Variants in GSTA3 observed in about 807,000 individuals in gnomAD.
The protein encoded by GSTA3 is glutathione S-transferase alpha 3.
Under a neutral mutation model 23.1 loss-of-function variants are expected in GSTA3, and 16 were observed. The observed-to-expected ratio is 0.69, with a 90% CI of 0.47 to 1.05. GSTA3 has a LOEUF of 1.05. Among genes scored for constraint, GSTA3 ranks in the 50% least tolerant of loss-of-function variants. The pLI, the probability that GSTA3 is intolerant of heterozygous loss-of-function variation, is 0.00. For synonymous variants in GSTA3, 122 were observed against 91.0 expected, an observed-to-expected ratio of 1.34 and a Z score of -1.94; for missense variants, 319 against 263.6, an observed-to-expected ratio of 1.21 and a Z score of -1.46.
At chr6:52,904,088 G>A (rs1561955746) in intron 2 of GSTA3, among the ~76,000 whole-genome samples, 1 of 152,098 alleles carries the variant, frequency 6.6e-6, no homozygotes, top group Non-Finnish European at 1.5e-5. Context: ...CCAGGCCCAA[G>A]TGACCCTCCC....
At chr6:52,907,944 T>C (rs1765948829) in intron 1 of GSTA3, among the ~76,000 whole-genome samples, 1 of 151,610 alleles carries the variant, frequency 6.6e-6, no homozygotes, top group Non-Finnish European at 1.5e-5. Context: ...CTGCACATTG[T>C]GCACATGTAC....
At chr6:52,905,924 A>G (rs1765876575) in intron 1 of GSTA3, 69 bp from the exon 2 acceptor site, 1 of 705,384 alleles carries the variant, frequency 1.4e-6, no homozygotes, top group Admixed American at 2.6e-5. Context: ...GCACGCTAGT[A>G]TATGAATGGT....
chr6:52,907,576 A>T (rs2127364950), intron 1 of GSTA3, among the ~76,000 whole-genome samples: 1 of 151,360 alleles, frequency 6.6e-6, no homozygotes, highest in African/African-American at 2.4e-5. Flanking sequence ...ACCAACCCAA[A>T]TGTCCAACAA....
chr6:52,901,213 C>T (rs889037871), intron 4 of GSTA3, among the ~76,000 whole-genome samples: 1 of 152,170 alleles, frequency 6.6e-6, no homozygotes, highest in Non-Finnish European at 1.5e-5. Flanking sequence ...AATATCATCA[C>T]ACTCTAATTC....
At chr6:52,899,360 G>C (rs1009915644) in intron 5 of GSTA3, among the ~76,000 whole-genome samples, 1 of 152,118 alleles carries the variant, frequency 6.6e-6, no homozygotes, top group Non-Finnish European at 1.5e-5. Flanking sequence ...CTCCTAACCT[G>C]CGCTGTTATA....
chr6:52,903,844 T>C, intron 2 of GSTA3, 117 bp from the exon 3 acceptor site: 3 of 667,910 alleles, frequency 4.5e-6, no homozygotes, highest in Non-Finnish European at 8.0e-6. Context: ...TTTCTGAGTT[T>C]GGCAGGGGAC....
At chr6:52,897,042 C>T (rs1440642395) in intron 6 of GSTA3, 114 bp from the exon 7 acceptor site, 4 of 1,425,676 alleles carry the variant, frequency 2.8e-6, no homozygotes, top group Admixed American at 2.2e-5. Context: ...CCTCCATCAG[C>T]ACCAGCATGG....
chr6:52,900,943 T>C (rs1313819273), intron 4 of GSTA3, among the ~76,000 whole-genome samples: 1 of 152,360 alleles, frequency 6.6e-6, no homozygotes, highest in East Asian at 1.9e-4. Context: ...TCTACAGCCC[T>C]ATCCATGTGC....
intron 3 of GSTA3, 141 bp downstream of exon 3, chr6:52,903,535 T>C (rs1440268642): frequency 4.6e-6 from 2 of 438,654 alleles, no homozygotes; most frequent in Non-Finnish European, 8.2e-6. Context: ...AGGCGGAGCT[T>C]GCAGTAAGCC....
chr6:52,902,494 A>G lies in GSTA3; in HGVS notation c.140-16T>C. 6.3e-7 allele frequency: 1 copy of G among 1,597,790 alleles called. No homozygotes were observed. Among genetic ancestry groups the G allele is most frequent in the Non-Finnish European group, 8.5e-7 (1 of 1,173,814 alleles). On this transcript the variant is annotated splice_polypyrimidine_tract_variant and intron_variant, in intron 3 of 6. Coordinates refer to ENST00000211122, the MANE Select transcript of GSTA3 (RefSeq NM_000847.5). ...AAACTCCCATCTTTAGAAAGAAGGA[A>G]AAAAAAGGAACATGAAATTTCTATG...
chr6:52,900,061 G>A lies in GSTA3; in HGVS notation c.287C>T (p.Thr96Ile). 6.2e-7 allele frequency: 1 copy of A among 1,609,574 alleles called. No homozygotes were observed. The highest frequency in any genetic ancestry group is 8.5e-7 in the Non-Finnish European group (1 of 1,178,606). The change falls in exon 5 of 7, where the codon ACA (threonine) becomes ATA (isoleucine). Residue 96 changes from threonine to isoleucine, a missense_variant. Physicochemically the swap from Thr to Ile is moderately conservative, Grantham distance 89. Transcript: ENST00000211122. ...IKERALIDMY[T>I]EGMADLNEMI... Reference sequence around the variant, plus strand: ...TTCATTCAAATCTGCCATACCTTCTGTATACATATCAATTCTGAAAGACAA... The same window carrying A: ...TTCATTCAAATCTGCCATACCTTCTATATACATATCAATTCTGAAAGACAA...
chr6:52,905,624 G>T, intron 2 of GSTA3, 124 bp downstream of exon 2: 3 of 535,700 alleles, frequency 5.6e-6, no homozygotes, highest in Non-Finnish European at 6.7e-6. Context: ...AAAAATAACT[G>T]GGGATGCTTT....
chr6:52,899,937 T>C lies in GSTA3; in HGVS notation c.411A>G (p.Glu137=). The C allele has an allele frequency of 6.2e-7, 1 of 1,614,068 alleles. No homozygotes were observed. The highest frequency in any genetic ancestry group is 8.5e-7 in the Non-Finnish European group (1 of 1,179,966). ...AATGCTGAACAGCTTCACCTACTTT[T>C]TCGAAGGCAGGGAAATAGCGACTTT... ...KTKSRYFPAF[E]KVLQSHGQDY... The change falls in exon 5 of 7, where the codon GAA becomes GAG. Residue 137 remains glutamate, a synonymous_variant. Transcript: ENST00000211122.
chr6:52,896,830 T>C lies in GSTA3; in HGVS notation c.645A>G (p.Glu215=), dbSNP rs760173301. 3.1e-5 allele frequency: 50 copies of C among 1,614,110 alleles called. No homozygotes were observed. Among genetic ancestry groups the C allele is most frequent in the Non-Finnish European group, 4.2e-5 (50 of 1,179,958 alleles). ...ATTAAAACCTGAAAATCTTTCTGGCTTCTTCTAAAGCTTTTGCATCTGCGG... is the reference window on the plus strand; with the variant it reads ...ATTAAAACCTGAAAATCTTTCTGGCCTCTTCTAAAGCTTTTGCATCTGCGG... ...KPPADAKALE[E]ARKIFRF The change falls in exon 7 of 7, where the codon GAA becomes GAG. Residue 215 remains glutamate, a synonymous_variant. Coordinates refer to ENST00000211122, the MANE Select transcript of GSTA3 (RefSeq NM_000847.5).
At chr6:52,898,807 G>A (rs958539008) in intron 5 of GSTA3, among the ~76,000 whole-genome samples, 1 of 152,174 alleles carries the variant, frequency 6.6e-6, no homozygotes, top group African/African-American at 2.4e-5. Flanking sequence ...CGCACACTTG[G>A]ACAAAGGAGG....
At chr6:52,904,127 T>C (rs1333441645) in intron 2 of GSTA3, among the ~76,000 whole-genome samples, 1 of 152,080 alleles carries the variant, frequency 6.6e-6, no homozygotes, top group Admixed American at 6.5e-5. Flanking sequence ...GCTGGGACTA[T>C]AGGCATGCAC....
In GSTA3 at chr6:52,902,447, C is replaced by T; in HGVS notation, c.171G>A (p.Met57Ile). ...CCAACTTCATCCCATCAATCTCAAC[C>T]ATTGGTACTTGCTGGAACATCAAAC... Reference protein sequence around the residue: ...DGSLMFQQVPMVEIDGMKLVQ... With the variant: ...DGSLMFQQVPIVEIDGMKLVQ... The change falls in exon 4 of 7, where the codon ATG becomes ATA. Residue 57 changes from methionine to isoleucine, a missense_variant. Met to Ile is a conservative substitution (Grantham distance 10, BLOSUM62 1). Transcript: ENST00000211122. The T allele has an allele frequency of 6.2e-7, 1 of 1,613,060 alleles. No homozygotes were observed. The highest frequency in any genetic ancestry group is 8.5e-7 in the Non-Finnish European group (1 of 1,179,708).
chr6:52,906,067 A>G (rs1371693433), intron 1 of GSTA3, among the ~76,000 whole-genome samples: 1 of 152,072 alleles, frequency 6.6e-6, no homozygotes, highest in Non-Finnish European at 1.5e-5. Context: ...CCTGTGTAAG[A>G]CCTTTGTTTT....
At chr6:52,901,217 C>G (rs1344501314) in intron 4 of GSTA3, among the ~76,000 whole-genome samples, 1 of 152,218 alleles carries the variant, frequency 6.6e-6, no homozygotes, top group Non-Finnish European at 1.5e-5. Flanking sequence ...TCATCACACT[C>G]TAATTCTAGA....
Sources: allele counts gnomAD v4.1 joint callset (sites outside exome capture counted in the v4.1 genomes callset), GRCh38; gene constraint gnomAD v4.1.1; transcripts MANE v1.5; gene names NCBI Gene and HGNC (gene_info 2026-07-23, HGNC 2026-07-21).